Variants in BEAN1 observed in about 807,000 individuals in gnomAD.
BEAN1 encodes the protein protein BEAN1.
Under a neutral mutation model 17.7 loss-of-function variants are expected in BEAN1, and 17 were observed. The observed-to-expected ratio is 0.96, with a 90% CI of 0.66 to 1.44. The LOEUF (loss-of-function observed/expected upper bound fraction) is 1.44. Among genes scored for constraint, BEAN1 ranks in the 40% most tolerant of loss-of-function variants. The pLI is 0.00. For synonymous variants in BEAN1, 142 were observed against 151.8 expected (o/e 0.94, Z 0.47); for missense variants, 359 against 374.1 (o/e 0.96, Z 0.33).
chr16:66,433,400 C>T (rs1596971513), intron 1 of BEAN1, among the ~76,000 whole-genome samples: 1 of 152,264 alleles, frequency 6.6e-6, no homozygotes. Flanking sequence ...GCGTGAGCCA[C>T]TGCACTCAGC....
chr16:66,481,448 G>T lies in BEAN1; in HGVS notation c.*523G>T, dbSNP rs973535848. 2.5e-6 allele frequency: 1 copy of T among 393,584 alleles called. No individual in the cohort carries two copies. The highest frequency in any genetic ancestry group is 2.1e-5 in the African/African-American group (1 of 48,544). 24.4% of individuals were successfully genotyped at this position (393,584 alleles called of 1,614,324 possible). ...TGGGAGGCGGGACAGGCCCCAGTGAGGTTCCGTTGTGCGCTGTGCCTATCT... is the reference window on the plus strand; with the variant it reads ...TGGGAGGCGGGACAGGCCCCAGTGATGTTCCGTTGTGCGCTGTGCCTATCT... On this transcript the variant is annotated 3_prime_UTR_variant, in exon 5 of 5. Coordinates refer to ENST00000536005, the MANE Select transcript of BEAN1 (RefSeq NM_001178020.3). The surrounding 1 kb of genome is among the most constrained non-coding windows in gnomAD (Gnocchi z 4.1).
chr16:66,493,876 C>G (rs1964212430), downstream of BEAN1, among the ~76,000 whole-genome samples: 1 of 152,238 alleles, frequency 6.6e-6, no homozygotes, highest in Non-Finnish European at 1.5e-5. Flanking sequence ...TGCAGGCCAT[C>G]CTAGAGGCAT....
chr16:66,492,924 C>A, intron 4 of BEAN1: 3 of 682,654 alleles, frequency 4.4e-6, no homozygotes, highest in East Asian at 5.4e-5. Context: ...TCTGCTGAGG[C>A]CTGTCCCACT....
Position 66,469,607 on chromosome 16 carries a change from C to A in BEAN1, c.31C>A (p.Arg11=), listed in dbSNP as rs1271024235. The change falls in exon 3 of 5, where the codon CGA becomes AGA. Residue 11 remains arginine, a synonymous_variant. Coordinates refer to ENST00000536005, the MANE Select transcript of BEAN1 (RefSeq NM_001178020.3). ...TCCTCTCTCTCTGTCCACAGTAGCA[C>A]GATACAACCGCACCAGCTACTTCTA... MSFKRPCPLA[R]YNRTSYFYPT... The A allele has an allele frequency of 6.5e-7, 1 of 1,535,668 alleles. No individual in the cohort carries two copies. The highest frequency in any genetic ancestry group is 8.7e-7 in the Non-Finnish European group (1 of 1,146,576).
intron 2 of BEAN1, among the ~76,000 whole-genome samples, chr16:66,447,113 T>C (rs1207330468): frequency 6.6e-6 from 1 of 152,060 alleles, no homozygotes; most frequent in Non-Finnish European, 1.5e-5. Context: ...CTACAAAAAA[T>C]TTAAAGATTA....
chr16:66,438,717 C>T (rs929535496), intron 2 of BEAN1, among the ~76,000 whole-genome samples: 6 of 152,130 alleles, frequency 3.9e-5, no homozygotes, highest in African/African-American at 1.4e-4. Context: ...AGTCTCCACC[C>T]GCTTGACTCA....
At chr16:66,469,527 G>A (rs1039234764) in intron 2 of BEAN1, 75 bp from the exon 3 acceptor site, 6 of 1,429,146 alleles carry the variant, frequency 4.2e-6, no homozygotes, top group Non-Finnish European at 5.6e-6. Flanking sequence ...ACAGCTCACA[G>A]GGCAGCACGG....
intron 3 of BEAN1, among the ~76,000 whole-genome samples, chr16:66,472,901 A>G (rs1963538599): frequency 6.6e-6 from 1 of 151,886 alleles, no homozygotes; most frequent in African/African-American, 2.4e-5. Context: ...ACATGCCTGT[A>G]GTCCCAGCTA....
intron 3 of BEAN1, among the ~76,000 whole-genome samples, chr16:66,470,693 T>C (rs1440992871): frequency 6.6e-6 from 1 of 152,216 alleles, no homozygotes; most frequent in Admixed American, 6.5e-5. Flanking sequence ...TGGCTAATTC[T>C]TGGGTGACCA....
intron 4 of BEAN1, among the ~76,000 whole-genome samples, chr16:66,491,007 T>C (rs551186217): frequency 6.6e-6 from 1 of 152,300 alleles, no homozygotes; most frequent in African/African-American, 2.4e-5. Flanking sequence ...GGGACAGGAC[T>C]CTATCCTCCA....
In BEAN1 at chr16:66,481,021, G is replaced by GACTCATAACGCACACGTT. The variant is rs1435486709; in HGVS notation, c.*105_*106insGCACACGTTACTCATAAC. 1 of 1,096,528 alleles carries GACTCATAACGCACACGTT rather than the reference G, an allele frequency of 9.1e-7. No homozygotes were observed. Among genetic ancestry groups the GACTCATAACGCACACGTT allele is most frequent in the Non-Finnish European group, 1.3e-6 (1 of 794,910 alleles). 67.9% of individuals were successfully genotyped at this position (1,096,528 alleles called of 1,614,324 possible). A position where few individuals can be genotyped will look rare whatever the true frequency, so the allele number is the denominator to read the frequency against. On this transcript the variant is annotated 3_prime_UTR_variant, in exon 5 of 5. Coordinates refer to ENST00000536005, the MANE Select transcript of BEAN1 (RefSeq NM_001178020.3). This position sits in a 1 kb window ranked among gnomAD's most constrained non-coding sequence, Gnocchi z 4.1. ...CACACACACACAGAGATGCACACGT[G>GACTCATAACGCACACGTT]ACTCATAACACACACATAGACCAAA...
chr16:66,439,393 T>G (rs557880291), intron 2 of BEAN1, among the ~76,000 whole-genome samples: 1 of 152,316 alleles, frequency 6.6e-6, no homozygotes, highest in African/African-American at 2.4e-5. Flanking sequence ...TGCAGAGCAC[T>G]GGGATGGTCA....
intron 4 of BEAN1, among the ~76,000 whole-genome samples, chr16:66,490,455 A>AACATAAAATAAC (rs1442373186): frequency 2.1e-5 from 1 of 48,108 alleles, no homozygotes. Flanking sequence ...AAAATAAAAT[A>AACATAAAATAAC]ATAAAATAAA....
intron 2 of BEAN1, among the ~76,000 whole-genome samples, chr16:66,446,914 G>A (rs978200738): frequency 6.6e-6 from 1 of 152,166 alleles, no homozygotes; most frequent in African/African-American, 2.4e-5. Context: ...GATTGGGAAA[G>A]CCTGGTTGTC....
chr16:66,429,404 A>C (rs1961709290), intron 1 of BEAN1, among the ~76,000 whole-genome samples: 1 of 151,276 alleles, frequency 6.6e-6, no homozygotes, highest in Non-Finnish European at 1.5e-5. Context: ...AGAGCAGAGC[A>C]GGGCATAGGC....
chr16:66,484,812 C>T (rs764349710), downstream of BEAN1: 3 of 454,128 alleles, frequency 6.6e-6, no homozygotes, highest in South Asian at 3.1e-5. The surrounding 1 kb of genome is among the most constrained non-coding windows in gnomAD (Gnocchi z 4.2). Flanking sequence ...GACGCCCGCC[C>T]TCAGGTGGGA....
At chr16:66,435,402 G>T (rs1961975154) in intron 1 of BEAN1, among the ~76,000 whole-genome samples, 2 of 152,204 alleles carry the variant, frequency 1.3e-5, no homozygotes, top group South Asian at 4.1e-4. Flanking sequence ...GCAGGTATTT[G>T]GTGAATGTGA....
In BEAN1 at chr16:66,473,696, CTAAATAAATAAATAAA is replaced by C. The variant is rs535920093; in HGVS notation, c.289+3843_290-3837del. Among the ~76,000 whole-genome samples, 87 of 151,430 alleles carry C rather than the reference CTAAATAAATAAATAAA, an allele frequency of 5.7e-4. No individual in the cohort carries two copies. The highest frequency in any genetic ancestry group is 2.0e-3 in the African/African-American group (84 of 41,352). On this transcript the variant is annotated intron_variant, in intron 3 of 4. Coordinates refer to ENST00000536005, the MANE Select transcript of BEAN1 (RefSeq NM_001178020.3). The surrounding 1 kb of genome is among the most constrained non-coding windows in gnomAD (Gnocchi z 4.5). ...TGAGCAACAGAGCAAGACCCTGTCT[CTAAATAAATAAATAAA>C]TAAATAAATAATAAATAATAAATAA...
At chr16:66,483,254 A>C, downstream of BEAN1, 1 of 171,380 alleles carries the variant, frequency 5.8e-6, no homozygotes, top group Non-Finnish European at 1.3e-5. Context: ...AAGCCTTGTC[A>C]TTTTCCTGTT....
Sources: allele counts gnomAD v4.1 joint callset (sites outside exome capture counted in the v4.1 genomes callset), GRCh38; gene constraint gnomAD v4.1.1; non-coding constraint Gnocchi (gnomAD v3.1); transcripts MANE v1.5; gene names NCBI Gene and HGNC (gene_info 2026-07-23, HGNC 2026-07-21).